Variants in SYNE1 observed in about 807,000 individuals in gnomAD.
SYNE1 encodes nesprin-1.
SYNE1 carries 616 observed loss-of-function variants against 1,111.0 expected under a neutral mutation model. The observed-to-expected ratio is 0.55, with a 90% CI of 0.52 to 0.59. The LOEUF (loss-of-function observed/expected upper bound fraction) is 0.59. Among genes scored for constraint, SYNE1 ranks in the 20% least tolerant of loss-of-function variants. The pLI is 0.00. For missense variants in SYNE1, 10,006 were observed against 10,417.0 expected (o/e 0.96, Z 1.72); for synonymous variants, 3,855 against 3,825.8 (o/e 1.01, Z -0.28).
At chr6:152,356,104 C>A (rs563007222) in intron 66 of SYNE1, among the ~76,000 whole-genome samples, 31 of 151,730 alleles carry the variant, frequency 2.0e-4, no homozygotes, top group African/African-American at 6.5e-4. Context: ...TCAAGGTTGG[C>A]AAACTTTTTC....
chr6:152,203,416 C>A (rs2075899419), intron 126 of SYNE1, among the ~76,000 whole-genome samples: 1 of 152,050 alleles, frequency 6.6e-6, no homozygotes, highest in African/African-American at 2.4e-5. Flanking sequence ...GTTTGTCAAA[C>A]TCTCCAATCC....
chr6:152,347,621 A>C (rs2096660004), intron 72 of SYNE1, among the ~76,000 whole-genome samples: 1 of 151,760 alleles, frequency 6.6e-6, no homozygotes, highest in Non-Finnish European at 1.5e-5. Context: ...TATTTCATCA[A>C]CTTTATATAA....
chr6:152,300,561 C>A (rs2095114112), intron 93 of SYNE1, 80 bp downstream of exon 93: 2 of 1,597,932 alleles, frequency 1.3e-6, no homozygotes, highest in Non-Finnish European at 1.7e-6. Flanking sequence ...AGATTCATAC[C>A]CACGATCTAA....
At chr6:152,400,221 TAA>T (rs77663853) in intron 47 of SYNE1, among the ~76,000 whole-genome samples, 10 of 144,070 alleles carry the variant, frequency 6.9e-5, no homozygotes, top group African/African-American at 2.3e-4. Flanking sequence ...GTAGTTAATT[TAA>T]AAAAAAAAAA....
At position 152,474,807 on chromosome 6, in the gene SYNE1, TG is replaced by T. The variant is rs558080535; in HGVS notation, c.1351-2395del. On this transcript the variant is annotated intron_variant, in intron 14 of 145. Transcript: ENST00000367255. ...GGTCAAATTTTGAGGGCAATCATAC[TG>T]TACAACTAGAGTTTATAACTTTCTT... Among the ~76,000 whole-genome samples the T allele has an allele frequency of 5.4e-3, 830 of 152,316 alleles. 7 individuals carry two copies. Among genetic ancestry groups the T allele is most frequent in the Non-Finnish European group, 8.2e-3 (555 of 68,038 alleles).
intron 145 of SYNE1, chr6:152,127,671 T>G (rs2053971725): frequency 6.6e-6 from 1 of 152,144 alleles, no homozygotes; most frequent in Non-Finnish European, 1.5e-5. Context: ...CAGCTTTCCT[T>G]GGGGCACGGG....
intron 131 of SYNE1, among the ~76,000 whole-genome samples, chr6:152,158,092 T>C (rs1367504618): frequency 1.3e-5 from 2 of 152,208 alleles, no homozygotes; most frequent in Non-Finnish European, 2.9e-5. Flanking sequence ...AAGTAAAATG[T>C]TTTATGATAA....
intron 3 of SYNE1, among the ~76,000 whole-genome samples, chr6:152,540,863 CA>C (rs879260047): frequency 1.3e-5 from 2 of 152,164 alleles, no homozygotes; most frequent in Non-Finnish European, 1.5e-5. Context: ...CAAACAGTCA[CA>C]AGGAATGAAT....
chr6:152,554,286 C>T (rs774722232), intron 3 of SYNE1, among the ~76,000 whole-genome samples: 4 of 152,016 alleles, frequency 2.6e-5, no homozygotes, highest in Non-Finnish European at 5.9e-5. Context: ...ATGCTATGTT[C>T]GATACACTGC....
chr6:152,329,359 C>T (rs2096182479), intron 78 of SYNE1, among the ~76,000 whole-genome samples: 1 of 152,152 alleles, frequency 6.6e-6, no homozygotes, highest in Non-Finnish European at 1.5e-5. Context: ...AACCCTGTCT[C>T]TACTAAAAAA....
chr6:152,506,594 T>C lies in SYNE1; in HGVS notation c.582-1197A>G, dbSNP rs145516164. Among the ~76,000 whole-genome samples, 779 of 151,894 alleles carry C rather than the reference T, an allele frequency of 5.1e-3. 10 individuals are homozygous for C. The highest frequency in any genetic ancestry group is 0.018 in the African/African-American group (742 of 41,408). On this transcript the variant is annotated intron_variant, in intron 8 of 145. Coordinates refer to ENST00000367255, the MANE Select transcript of SYNE1 (RefSeq NM_182961.4). ...ACTCATTCTGTTGCCCAGGCTGGAG[T>C]GCAGTGGCACAGTCTCGGCTCACTG...
chr6:152,363,629 C>G, intron 63 of SYNE1: 1 of 363,050 alleles, frequency 2.8e-6, no homozygotes, highest in Non-Finnish European at 5.6e-6. Flanking sequence ...TGTAAGTGCT[C>G]CATCCATCCA....
At position 152,237,358 on chromosome 6, in the gene SYNE1, G is replaced by A. The variant is rs1054419874; in HGVS notation, c.20068-410C>T. ...AGGCTCTCACTCTGTTGCCCAGGCT[G>A]GAGTACAGTGGCACAATCATGGATC... is the stretch of plus-strand genomic sequence containing the variant. On this transcript the variant is annotated intron_variant, in intron 108 of 145. Coordinates refer to ENST00000367255, the MANE Select transcript of SYNE1 (RefSeq NM_182961.4). 4.8e-5 allele frequency among the ~76,000 whole-genome samples: 7 copies of A among 146,856 alleles called. 1 individual carries two copies. The South Asian group carries it at 1.5e-3, about 32-fold the overall frequency.
chr6:152,317,504 C>T (rs1176574998), intron 86 of SYNE1, among the ~76,000 whole-genome samples: 1 of 152,154 alleles, frequency 6.6e-6, no homozygotes, highest in African/African-American at 2.4e-5. Flanking sequence ...GTATGAGCCA[C>T]CATGCCAGGC....
intron 3 of SYNE1, among the ~76,000 whole-genome samples, chr6:152,554,520 A>G (rs2099358609): frequency 6.6e-6 from 1 of 152,222 alleles, no homozygotes; most frequent in Non-Finnish European, 1.5e-5. Context: ...GAGGCAGCCA[A>G]TCATGGAGTT....
intron 127 of SYNE1, among the ~76,000 whole-genome samples, chr6:152,197,558 A>C (rs80099556): frequency 0.021 from 3,150 of 152,316 alleles, 52 homozygotes; most frequent in African/African-American, 0.034. Flanking sequence ...ATTGTGCTAG[A>C]AGGCATGAAG....
chr6:152,236,331 AG>A (rs773934645), intron 109 of SYNE1, 28 bp from the exon 110 acceptor site: 2 of 1,551,616 alleles, frequency 1.3e-6, no homozygotes, highest in Non-Finnish European at 1.8e-6. Context: ...TTGAGTTAAA[AG>A]TTTGGATATG....
At chr6:152,510,972 G>T in intron 7 of SYNE1, 39 bp downstream of exon 7, 2 of 1,563,678 alleles carry the variant, frequency 1.3e-6, no homozygotes, top group South Asian at 1.1e-5. Context: ...CTCCCTCTGA[G>T]ACATTGCATC....
rs866955225 is a variant in SYNE1 at position 152,353,438 on chromosome 6, G to A, written c.11083-5C>T. ...CTCCAGGAATTTTATTTGTTCCTAT[G>A]AAAGAAAAGAGAAAATTGAATGGTG... On this transcript the variant is annotated splice_polypyrimidine_tract_variant and splice_region_variant and intron_variant, in intron 68 of 145. Coordinates refer to ENST00000367255, the MANE Select transcript of SYNE1 (RefSeq NM_182961.4). 6.2e-7 allele frequency: 1 copy of A among 1,614,150 alleles called. No individual in the cohort carries two copies. Among genetic ancestry groups the A allele is most frequent in the Admixed American group, 1.7e-5 (1 of 60,018 alleles).
Sources: gnomAD v4.1 joint callset for allele counts (sites outside exome capture counted in the v4.1 genomes callset) on GRCh38, gnomAD v4.1.1 for gene constraint, MANE v1.5 for transcripts, NCBI Gene and HGNC (gene_info 2026-07-23, HGNC 2026-07-21) for gene names.